PPFIBP2: variants seen among roughly 807,000 people sequenced by gnomAD.
PPFIBP2 encodes liprin-beta-2.
Under a neutral mutation model 118.3 loss-of-function variants are expected in PPFIBP2, and 118 were observed. The ratio of observed to expected loss-of-function variants is 1.00; its 90% CI spans 0.86 to 1.16. The LOEUF (loss-of-function observed/expected upper bound fraction) is 1.16. Ranked by LOEUF, PPFIBP2 falls within the 50% of genes most tolerant of loss-of-function variation. The probability of loss-of-function intolerance (pLI) is 0.00; values close to 1 mark genes in which losing one functional copy is unlikely to be tolerated. For synonymous variants in PPFIBP2, 414 were observed against 397.4 expected, an observed-to-expected ratio of 1.04 and a Z score of -0.50; for missense variants, 1,195 against 1,073.1, an observed-to-expected ratio of 1.11 and a Z score of -1.59.
chr11:7,598,298 T>A, intron 5 of PPFIBP2: 1 of 300,906 alleles, frequency 3.3e-6, no homozygotes, highest in Non-Finnish European at 6.5e-6. Context: ...ATTTTTCCCA[T>A]TTAAAATTTT....
intron 8 of PPFIBP2, among the ~76,000 whole-genome samples, chr11:7,626,494 T>G (rs1850031034): frequency 6.6e-6 from 1 of 152,232 alleles, no homozygotes; most frequent in African/African-American, 2.4e-5. Context: ...CAGTGTTGTG[T>G]GTTATCCCCA....
At chr11:7,633,893 A>G (rs558226885) in intron 12 of PPFIBP2, among the ~76,000 whole-genome samples, 1 of 152,204 alleles carries the variant, frequency 6.6e-6, no homozygotes. Context: ...GACTTGGCAC[A>G]GGTTACCCTT....
At chr11:7,637,620 T>A (rs535738984) in intron 14 of PPFIBP2, among the ~76,000 whole-genome samples, 1 of 152,348 alleles carries the variant, frequency 6.6e-6, no homozygotes, top group South Asian at 2.1e-4. Flanking sequence ...TGGCTGGGGC[T>A]TCTGTTCCCC....
intron 1 of PPFIBP2, among the ~76,000 whole-genome samples, chr11:7,521,850 A>G (rs1849785230): frequency 6.6e-6 from 1 of 152,184 alleles, no homozygotes; most frequent in African/African-American, 2.4e-5. Flanking sequence ...AGAAGCTGAA[A>G]GACTGGGAGG....
chr11:7,656,664 C>T, downstream of PPFIBP2: 1 of 1,226,340 alleles, frequency 8.2e-7, no homozygotes, highest in South Asian at 1.3e-5. Context: ...TCCGGTGCAG[C>T]TGCCGCAGGG....
intron 1 of PPFIBP2, among the ~76,000 whole-genome samples, chr11:7,519,858 CAA>C (rs1404245083): frequency 1.3e-5 from 2 of 152,108 alleles, no homozygotes; most frequent in East Asian, 3.9e-4. Flanking sequence ...CCAGAGAAAC[CAA>C]AAGAGGCCGA....
At chr11:7,642,536 CA>C in intron 17 of PPFIBP2, 110 bp downstream of exon 17, 1 of 1,246,272 alleles carries the variant, frequency 8.0e-7, no homozygotes, top group Non-Finnish European at 1.1e-6. Context: ...AACCCCTTTC[CA>C]TATTCTCTTC....
At chr11:7,606,121 C>A (rs34721595) in intron 5 of PPFIBP2, 140,132 of 1,292,984 alleles carry the variant, frequency 0.11, 10,324 homozygotes, top group African/African-American at 0.35. Flanking sequence ...CTTAGAATAG[C>A]AGGATAGATG....
downstream of PPFIBP2, among the ~76,000 whole-genome samples, chr11:7,654,691 T>C (rs1854521950): frequency 6.6e-6 from 1 of 152,208 alleles, no homozygotes; most frequent in South Asian, 2.1e-4. Context: ...CCACTGGAGT[T>C]GTAGAGCCAG....
chr11:7,555,217 T>C (rs1163721233), intron 2 of PPFIBP2, among the ~76,000 whole-genome samples: 1 of 152,160 alleles, frequency 6.6e-6, no homozygotes, highest in African/African-American at 2.4e-5. Context: ...AGAAGGCCAC[T>C]TACTCCTCTT....
chr11:7,655,646 A>G (rs1854615817), downstream of PPFIBP2: 3 of 606,494 alleles, frequency 4.9e-6, no homozygotes, highest in Non-Finnish European at 7.7e-6. Context: ...TGAGCCAGCC[A>G]CGAGGCAGAA....
At chr11:7,664,531 A>C in the PPFIBP2 span, among the ~76,000 whole-genome samples, 1 of 152,196 alleles carries the variant, frequency 6.6e-6, no homozygotes, top group Admixed American at 6.5e-5. Context: ...TGTAGCTGAC[A>C]ACCAACATGT....
chr11:7,636,318 A>G (rs1228770710), intron 14 of PPFIBP2, among the ~76,000 whole-genome samples: 2 of 151,922 alleles, frequency 1.3e-5, no homozygotes, highest in African/African-American at 2.4e-5. Flanking sequence ...GCTCCTCCAC[A>G]TCTGCGTAAG....
At chr11:7,626,521 A>T (rs763123106) in intron 8 of PPFIBP2, among the ~76,000 whole-genome samples, 1 of 152,216 alleles carries the variant, frequency 6.6e-6, no homozygotes, top group Non-Finnish European at 1.5e-5. Flanking sequence ...GGTAAGGACT[A>T]TATTTTTCTT....
rs758680791 is a variant in PPFIBP2, at chr11:7,635,613, C to T, written c.1236+20C>T. On this transcript the variant is annotated intron_variant, in intron 14 of 23. Coordinates refer to ENST00000299492, the MANE Select transcript of PPFIBP2 (RefSeq NM_003621.5). ...CCCAAGGTACATTGACTTCGTGCCC[C>T]GTCGTCTATTTGTGGTTACACTGTT... 2.5e-5 allele frequency: 40 copies of T among 1,596,014 alleles called. No homozygotes were observed. Among genetic ancestry groups the T allele is most frequent in the Admixed American group, 1.3e-4 (8 of 59,988 alleles).
At chr11:7,518,156 G>T (rs1849409502) in intron 1 of PPFIBP2, among the ~76,000 whole-genome samples, 1 of 152,228 alleles carries the variant, frequency 6.6e-6, no homozygotes, top group South Asian at 2.1e-4. Flanking sequence ...GATTGTTAAA[G>T]ACTTTGAAGG....
intron 3 of PPFIBP2, among the ~76,000 whole-genome samples, chr11:7,591,795 G>C (rs1298292733): frequency 6.6e-6 from 1 of 152,208 alleles, no homozygotes; most frequent in Non-Finnish European, 1.5e-5. Flanking sequence ...TCTTTCACTA[G>C]TGCGCATCCA....
chr11:7,523,580 C>G (rs1341468574), intron 1 of PPFIBP2, among the ~76,000 whole-genome samples: 2 of 152,138 alleles, frequency 1.3e-5, no homozygotes, highest in Non-Finnish European at 2.9e-5. Context: ...GGTAAAGTGT[C>G]AGGGACAGCC....
At position 7,517,527 on chromosome 11, in the gene PPFIBP2, G is replaced by C. The variant is rs150756548; in HGVS notation, c.-37+3406G>C. On this transcript the variant is annotated intron_variant, in intron 1 of 23. Coordinates refer to ENST00000299492, the MANE Select transcript of PPFIBP2 (RefSeq NM_003621.5). The stretch of plus-strand genomic sequence containing the variant: ...GAATGTGGAAGTGGAGAGTAGTGTG[G>C]AGTTTTGAAAGGATGTCCCTGCCTA... 3.9e-3 allele frequency among the ~76,000 whole-genome samples: 594 copies of C among 151,234 alleles called. 5 individuals carry two copies. The highest frequency in any genetic ancestry group is 0.014 in the African/African-American group (574 of 41,030).
Sources: gnomAD v4.1 joint callset for allele counts (sites outside exome capture counted in the v4.1 genomes callset) on GRCh38, gnomAD v4.1.1 for gene constraint, MANE v1.5 for transcripts, NCBI Gene and HGNC (gene_info 2026-07-23, HGNC 2026-07-21) for gene names.